The following ZNF577 variants were observed in gnomAD, a reference collection of about 807,000 sequenced individuals.
The protein encoded by ZNF577 is zinc finger protein 577.
Under a neutral mutation model 13.9 loss-of-function variants are expected in ZNF577, and 14 were observed. That is an observed-to-expected ratio of 1.00 (90% CI 0.66 to 1.57). ZNF577 has a LOEUF of 1.57. Among genes scored for constraint, ZNF577 ranks in the 40% most tolerant of loss-of-function variants. The pLI is 0.00. For missense variants in ZNF577, 555 were observed against 579.2 expected (o/e 0.96, Z 0.43); for synonymous variants, 203 against 202.9 (o/e 1.00, Z 0.00).
intron 5 of ZNF577, among the ~76,000 whole-genome samples, 178 bp from the exon 6 acceptor site, chr19:51,873,884 A>T (rs1317356024): frequency 1.3e-5 from 2 of 152,186 alleles, no homozygotes; most frequent in Non-Finnish European, 2.9e-5. Flanking sequence ...TAAACCCCCC[A>T]AATTTCTCCT....
intron 9 of ZNF577, among the ~76,000 whole-genome samples, chr19:51,814,708 G>A (rs1302740256): frequency 6.6e-6 from 1 of 152,154 alleles, no homozygotes; most frequent in Non-Finnish European, 1.5e-5. Flanking sequence ...TGGCCAGGCT[G>A]GTCTTGAACT....
intron 5 of ZNF577, among the ~76,000 whole-genome samples, chr19:51,846,572 G>A (rs1439508470): frequency 6.6e-6 from 1 of 151,996 alleles, no homozygotes; most frequent in South Asian, 2.1e-4. Flanking sequence ...AGCCAGGTGT[G>A]GTGCAAACGC....
chr19:51,824,026 T>C lies in ZNF577; in HGVS notation c.*600-12352A>G. ...GTCGCCATGAGAGAAAAATGGCCTT[T>C]TGGCTCATTCCTATGTAAGTTAGTT... On this transcript the variant is annotated intron_variant and NMD_transcript_variant, in intron 9 of 10. Transcript: ENST00000638827. The surrounding 1 kb of genome is among the most constrained non-coding windows in gnomAD (Gnocchi z 4.7). 6.2e-7 allele frequency: 1 copy of C among 1,614,144 alleles called. No homozygotes were observed. The highest frequency in any genetic ancestry group is 8.5e-7 in the Non-Finnish European group (1 of 1,180,000).
chr19:51,819,802 G>T (rs899146716), intron 9 of ZNF577, among the ~76,000 whole-genome samples: 3 of 152,138 alleles, frequency 2.0e-5, no homozygotes, highest in Admixed American at 2.0e-4. Context: ...AAAGAAATAT[G>T]GGCCAAGATT....
chr19:51,880,659 A>G lies in ZNF577; in HGVS notation c.-20+20T>C, dbSNP rs961118310. 1 of 467,592 alleles carries G rather than the reference A, an allele frequency of 2.1e-6. No homozygotes were observed. The highest frequency in any genetic ancestry group is 2.0e-5 in the African/African-American group (1 of 50,564). The allele number at this position is 467,592 out of a possible 1,614,324, so 29.0% of individuals were successfully genotyped here. A position where few individuals can be genotyped will look rare whatever the true frequency, so the allele number is the denominator to read the frequency against. The stretch of plus-strand genomic sequence containing the variant: ...GACCCATTGGGAAACAAACGACAAA[A>G]TAGGTAAAACAAACCTCACCTGGGC... On this transcript the variant is annotated intron_variant, in intron 2 of 5. Coordinates refer to ENST00000638348, the MANE Select transcript of ZNF577 (RefSeq NM_001370449.1).
chr19:51,835,737 G>C (rs2084284329), intron 9 of ZNF577, among the ~76,000 whole-genome samples: 3 of 152,036 alleles, frequency 2.0e-5, no homozygotes, highest in Admixed American at 6.5e-5. Context: ...CTGTTCCCCA[G>C]GCTGGAGTGC....
chr19:51,833,937 T>C (rs547874098), intron 9 of ZNF577, among the ~76,000 whole-genome samples: 2 of 152,230 alleles, frequency 1.3e-5, no homozygotes, highest in African/African-American at 2.4e-5. Context: ...GATACATGCA[T>C]ACAATGTGTA....
chr19:51,882,534 C>A (rs2084878177), intron 1 of ZNF577, among the ~76,000 whole-genome samples: 1 of 151,130 alleles, frequency 6.6e-6, no homozygotes, highest in Non-Finnish European at 1.5e-5. Context: ...GTAATTGCAG[C>A]AATTCTGGAG....
At chr19:51,885,243 C>T (rs1166946320) in intron 1 of ZNF577, among the ~76,000 whole-genome samples, 1 of 152,172 alleles carries the variant, frequency 6.6e-6, no homozygotes, top group Non-Finnish European at 1.5e-5. Context: ...ACATTCTGTA[C>T]AGCTACTTTC....
At chr19:51,825,681 T>C (rs962452354) in intron 9 of ZNF577, 2 of 167,238 alleles carry the variant, frequency 1.2e-5, no homozygotes, top group Middle Eastern at 3.4e-3. Context: ...CTTGGTCACA[T>C]TGAGTCATTC....
At position 51,872,330 on chromosome 19, in the gene ZNF577, C is replaced by CCA; in HGVS notation, c.*201_*202insTG. 1 of 488,268 alleles carries CCA rather than the reference C, an allele frequency of 2.0e-6. No individual in the cohort carries two copies. The highest frequency in any genetic ancestry group is 3.6e-6 in the Non-Finnish European group (1 of 277,848). The allele number at this position is 488,268 out of a possible 1,614,324, so 30.2% of individuals were successfully genotyped here. A position where few individuals can be genotyped will look rare whatever the true frequency, so the allele number is the denominator to read the frequency against. On this transcript the variant is annotated 3_prime_UTR_variant, in exon 6 of 6. Coordinates refer to ENST00000638348, the MANE Select transcript of ZNF577 (RefSeq NM_001370449.1). ...ATTCTTTTGATACCAATTGAGATAT[C>CCA]ATCTCCAGGTAAAGACTTCCTCATA...
intron 9 of ZNF577, among the ~76,000 whole-genome samples, chr19:51,832,732 G>T (rs963652231): frequency 3.3e-5 from 5 of 152,116 alleles, no homozygotes; most frequent in African/African-American, 1.2e-4. Context: ...TGAGGCTTAG[G>T]TTGAGTTTCT....
At chr19:51,814,709 G>A (rs529157403) in intron 9 of ZNF577, among the ~76,000 whole-genome samples, 100 of 152,292 alleles carry the variant, frequency 6.6e-4, no homozygotes, top group African/African-American at 2.2e-3. Context: ...GGCCAGGCTG[G>A]TCTTGAACTC....
intron 5 of ZNF577, among the ~76,000 whole-genome samples, chr19:51,858,072 C>G (rs541009400): frequency 6.6e-6 from 1 of 152,292 alleles, no homozygotes; most frequent in South Asian, 2.1e-4. Context: ...ACAGGAAAGG[C>G]TCCCACCCAG....
At chr19:51,857,414 G>GAAAGAA (rs1288102685) in intron 5 of ZNF577, among the ~76,000 whole-genome samples, 2 of 113,232 alleles carry the variant, frequency 1.8e-5, no homozygotes, top group Admixed American at 8.8e-5. Flanking sequence ...AAGAAAGAAA[G>GAAAGAA]AAAGAAAGAA....
At chr19:51,833,699 G>A (rs1413438961) in intron 9 of ZNF577, among the ~76,000 whole-genome samples, 1 of 152,166 alleles carries the variant, frequency 6.6e-6, no homozygotes, top group Non-Finnish European at 1.5e-5. Flanking sequence ...GGGCAGGTCA[G>A]GGAATAGGAG....
rs193259709 is a variant in ZNF577 at position 51,857,800 on chromosome 19, A to C, written c.284-12869T>G. On this transcript the variant is annotated intron_variant and NMD_transcript_variant, in intron 5 of 10. Coordinates refer to the ZNF577 transcript ENST00000638827. ...CACGCACACACACAAAACTCTAAGA[A>C]CCTATTATCTCATGTGCTGCTTTCA... Among the ~76,000 whole-genome samples, 8 of 152,216 alleles carry C rather than the reference A, an allele frequency of 5.3e-5. No homozygotes were observed. In the South Asian group the frequency reaches 6.2e-4, roughly 12 times the overall value.
chr19:51,852,306 T>C (rs968939520), intron 5 of ZNF577, among the ~76,000 whole-genome samples: 1 of 152,138 alleles, frequency 6.6e-6, no homozygotes, highest in African/African-American at 2.4e-5. Context: ...AAAGAAACAA[T>C]TGCAACCCAC....
In ZNF577 at chr19:51,824,967, C is replaced by G. The variant is rs2084221974; in HGVS notation, c.*600-13293G>C. ...AATCTGTAGGGGGTTTTTCCCACAACCAAGCAATAGACACCAGCTGGGTGT... is the reference window on the plus strand; with the variant it reads ...AATCTGTAGGGGGTTTTTCCCACAAGCAAGCAATAGACACCAGCTGGGTGT... On this transcript the variant is annotated intron_variant and NMD_transcript_variant, in intron 9 of 10. Transcript: ENST00000638827. The surrounding 1 kb of genome is among the most constrained non-coding windows in gnomAD (Gnocchi z 4.7). The G allele has an allele frequency of 4.7e-6, 3 of 632,242 alleles. No homozygotes were observed. Among genetic ancestry groups the G allele is most frequent in the Non-Finnish European group, 8.4e-6 (3 of 356,308 alleles). The allele number at this position is 632,242 out of a possible 1,614,324, so 39.2% of individuals were successfully genotyped here.
Sources: allele counts gnomAD v4.1 joint callset (sites outside exome capture counted in the v4.1 genomes callset), GRCh38; gene constraint gnomAD v4.1.1; non-coding constraint Gnocchi (gnomAD v3.1); transcripts MANE v1.5; gene names NCBI Gene and HGNC (gene_info 2026-07-23, HGNC 2026-07-21).